Variants in SLC22A3 observed in about 807,000 individuals in gnomAD.
SLC22A3 encodes the protein EMT organic cation transporter 3.
A neutral mutation model predicts 59.1 loss-of-function variants in SLC22A3; 51 were observed. The observed-to-expected ratio is 0.86, with a 90% confidence interval of 0.69 to 1.09. The LOEUF (loss-of-function observed/expected upper bound fraction) is 1.09, where lower values mean the gene tolerates loss of function less well. SLC22A3 is among the 50% of genes least tolerant of loss of function. The pLI is 0.00. For synonymous variants in SLC22A3, 325 were observed against 292.0 expected (o/e 1.11, Z -1.15); for missense variants, 711 against 726.3 (o/e 0.98, Z 0.24).
chr6:160,398,084 T>C lies in SLC22A3; in HGVS notation c.533+2T>C. ...CACCTTAGGCTATGCAGCAGACAGGTAGGTACCAATGTGACAGCCATTTTA... is the reference window on the plus strand; with the variant it reads ...CACCTTAGGCTATGCAGCAGACAGGCAGGTACCAATGTGACAGCCATTTTA... On this transcript the variant is annotated splice_donor_variant, in intron 2 of 10. Coordinates refer to ENST00000275300, the MANE Select transcript of SLC22A3 (RefSeq NM_021977.4). LOFTEE classifies it high-confidence loss of function. 1 of 1,607,856 alleles carries C rather than the reference T, an allele frequency of 6.2e-7. No individual in the cohort carries two copies. Among genetic ancestry groups the C allele is most frequent in the Non-Finnish European group, 8.5e-7 (1 of 1,174,398 alleles).
At chr6:160,363,734 G>T (rs952149404) in intron 1 of SLC22A3, among the ~76,000 whole-genome samples, 1 of 152,106 alleles carries the variant, frequency 6.6e-6, no homozygotes. Flanking sequence ...TCTTTTGTCC[G>T]CCTGAAGGGG....
chr6:160,369,848 G>A (rs369885998), intron 1 of SLC22A3, among the ~76,000 whole-genome samples: 2 of 152,120 alleles, frequency 1.3e-5, no homozygotes, highest in Admixed American at 6.5e-5. Context: ...CATGAATGCC[G>A]AACAGGCACA....
At chr6:160,392,212 A>G (rs1786288587) in intron 1 of SLC22A3, among the ~76,000 whole-genome samples, 1 of 151,684 alleles carries the variant, frequency 6.6e-6, no homozygotes. Context: ...GTTGGCACCC[A>G]CGTTTCTGTC....
chr6:160,362,160 C>T (rs1333557414), intron 1 of SLC22A3, among the ~76,000 whole-genome samples: 1 of 152,214 alleles, frequency 6.6e-6, no homozygotes, highest in Non-Finnish European at 1.5e-5. Flanking sequence ...CCCAGGGATG[C>T]TGCGACCTCA....
intron 2 of SLC22A3, among the ~76,000 whole-genome samples, chr6:160,401,784 T>C (rs987131903): frequency 7.9e-5 from 12 of 151,952 alleles, no homozygotes; most frequent in Non-Finnish European, 1.3e-4. Context: ...AGTGATACAG[T>C]GTTATTTGAA....
chr6:160,439,538 C>T (rs1408288482), intron 7 of SLC22A3, among the ~76,000 whole-genome samples: 1 of 152,058 alleles, frequency 6.6e-6, no homozygotes, highest in East Asian at 1.9e-4. Context: ...GTGTCCAAAT[C>T]AAGACAGAAG....
At chr6:160,354,989 G>A (rs565543860) in intron 1 of SLC22A3, among the ~76,000 whole-genome samples, 7 of 152,282 alleles carry the variant, frequency 4.6e-5, no homozygotes, top group East Asian at 3.9e-4. Flanking sequence ...TGCAGTCCCC[G>A]GAGGATGGTG....
At chr6:160,389,411 C>T (rs1786155709) in intron 1 of SLC22A3, among the ~76,000 whole-genome samples, 2 of 152,114 alleles carry the variant, frequency 1.3e-5, no homozygotes, top group Non-Finnish European at 2.9e-5. Context: ...ATGTGGGAGG[C>T]CACGGCAAAG....
At position 160,436,801 on chromosome 6, in the gene SLC22A3, G is replaced by T. The variant is rs527523620; in HGVS notation, c.997G>T (p.Val333Phe). 1.9e-6 allele frequency: 3 copies of T among 1,612,324 alleles called. No individual in the cohort carries two copies. Among genetic ancestry groups the T allele is most frequent in the South Asian group, 1.1e-5 (1 of 91,050 alleles). Residue 333 changes from valine (V) to phenylalanine (F), a missense_variant, in exon 6 of 11, where the codon GTT (valine) becomes TTT (phenylalanine). Coordinates refer to ENST00000275300, the MANE Select transcript of SLC22A3 (RefSeq NM_021977.4). ...ATAGATCACTGTTACAGATGAGGAA[G>T]TTAGTAATCCATCCTTTTTAGATCT... is the stretch of plus-strand genomic sequence containing the variant. ...YSEITVTDEEVSNPSFLDLVR... is the reference protein window; with the variant it reads ...YSEITVTDEEFSNPSFLDLVR...
intron 1 of SLC22A3, among the ~76,000 whole-genome samples, chr6:160,387,921 T>C (rs550928450): frequency 3.9e-4 from 59 of 152,302 alleles, no homozygotes; most frequent in African/African-American, 1.1e-3. Flanking sequence ...CATGACCTTG[T>C]TTCTGTACTC....
intron 1 of SLC22A3, among the ~76,000 whole-genome samples, chr6:160,377,181 T>C (rs1014402060): frequency 3.9e-5 from 6 of 152,118 alleles, no homozygotes; most frequent in Admixed American, 2.6e-4. Context: ...TTATAAACTC[T>C]CCAGTTGAAA....
rs757828627 is a variant in SLC22A3, at chr6:160,437,062, A to G, written c.1139A>G (p.Tyr380Cys). The G allele has an allele frequency of 1.2e-6, 2 of 1,614,144 alleles. No individual in the cohort carries two copies. The highest frequency in any genetic ancestry group is 1.1e-5 in the South Asian group (1 of 91,082). ...MRLGIIGGNL[Y>C]IDFFISGVVE... ...CTGGGAATTATAGGGGGCAACCTCTATATAGACTTTTTCATCTCGGGCGTG... is the reference window on the plus strand; with the variant it reads ...CTGGGAATTATAGGGGGCAACCTCTGTATAGACTTTTTCATCTCGGGCGTG... Residue 380 changes from tyrosine (Y) to cysteine (C), a missense_variant, in exon 7 of 11, where the codon TAT becomes TGT. Physicochemically the swap from Tyr to Cys is radical, Grantham distance 194. Transcript: ENST00000275300.
At chr6:160,401,762 T>C (rs1010093835) in intron 2 of SLC22A3, among the ~76,000 whole-genome samples, 2 of 151,994 alleles carry the variant, frequency 1.3e-5, no homozygotes, top group Non-Finnish European at 2.9e-5. Flanking sequence ...AAGGTACTCA[T>C]ACTACTCATG....
chr6:160,390,868 A>G (rs2114816724), intron 1 of SLC22A3, among the ~76,000 whole-genome samples: 1 of 152,312 alleles, frequency 6.6e-6, no homozygotes, highest in African/African-American at 2.4e-5. Context: ...TCCAAAGTCA[A>G]GATGTGCACA....
rs1018683926 is a variant in SLC22A3 at position 160,426,266 on chromosome 6, G to A, written c.976-10514G>A. ...AAAATTTGGATATTTGACAAATTTG[G>A]AAGCACTGAAAATGGAGGAAATTCC... is the stretch of plus-strand genomic sequence containing the variant. On this transcript the variant is annotated intron_variant, in intron 5 of 10. Coordinates refer to ENST00000275300, the MANE Select transcript of SLC22A3 (RefSeq NM_021977.4). The A allele has an allele frequency of 3.0e-6, 3 of 985,278 alleles. No homozygotes were observed. The East Asian group carries it at 3.4e-4, about 112-fold the overall frequency. 61.0% of individuals were successfully genotyped at this position (985,278 alleles called of 1,614,324 possible).
chr6:160,424,625 CA>C (rs1275022168), intron 5 of SLC22A3, among the ~76,000 whole-genome samples: 5 of 152,126 alleles, frequency 3.3e-5, no homozygotes, highest in Non-Finnish European at 7.4e-5. Flanking sequence ...ACCTTAGGGA[CA>C]AATTCTGCAT....
At chr6:160,397,271 A>G (rs1020801829) in intron 1 of SLC22A3, among the ~76,000 whole-genome samples, 3 of 152,166 alleles carry the variant, frequency 2.0e-5, no homozygotes, top group East Asian at 3.9e-4. Flanking sequence ...TCACGCTCCT[A>G]TGAGAATCTA....
At chr6:160,364,839 C>T (rs1334048351) in intron 1 of SLC22A3, among the ~76,000 whole-genome samples, 1 of 152,152 alleles carries the variant, frequency 6.6e-6, no homozygotes, top group African/African-American at 2.4e-5. Flanking sequence ...TACCTTCCTC[C>T]ATATGAATAA....
intron 1 of SLC22A3, among the ~76,000 whole-genome samples, chr6:160,382,941 T>C (rs1785850829): frequency 1.3e-5 from 2 of 152,154 alleles, no homozygotes; most frequent in Non-Finnish European, 2.9e-5. Flanking sequence ...ATATTGGAGA[T>C]GGCAGAAGCA....
Sources: gnomAD v4.1 joint callset for allele counts (sites outside exome capture counted in the v4.1 genomes callset) on GRCh38, gnomAD v4.1.1 for gene constraint, MANE v1.5 for transcripts, NCBI Gene and HGNC (gene_info 2026-07-23, HGNC 2026-07-21) for gene names.